UNC13C: variants seen among roughly 807,000 people sequenced by gnomAD.
The protein encoded by UNC13C is unc-13 homolog C, also known as protein unc-13 homolog C.
In UNC13C, 174 loss-of-function variants were observed where a neutral mutation model predicts 245.4. That is an observed-to-expected ratio of 0.71 (90% CI 0.63 to 0.80). UNC13C has a LOEUF of 0.80. Ranked by LOEUF, UNC13C falls within the 30% of genes least tolerant of loss-of-function variation. The pLI is 0.00. For synonymous variants in UNC13C, 992 were observed against 895.1 expected, an observed-to-expected ratio of 1.11 and a Z score of -1.93; for missense variants, 2,829 against 2,602.9, an observed-to-expected ratio of 1.09 and a Z score of -1.89.
intron 2 of UNC13C, among the ~76,000 whole-genome samples, chr15:54,137,139 C>T (rs8040249): frequency 0.37 from 55,874 of 152,088 alleles, 10,346 homozygotes; most frequent in Admixed American, 0.39. Flanking sequence ...TGCACTCAGC[C>T]GTGTATGCCA....
intron 4 of UNC13C, among the ~76,000 whole-genome samples, chr15:54,160,824 G>C (rs2032944804): frequency 6.6e-6 from 1 of 152,082 alleles, no homozygotes; most frequent in African/African-American, 2.4e-5. Flanking sequence ...TTTCTGGTTT[G>C]TAAATATGTT....
chr15:54,256,130 C>T (rs556240150), intron 8 of UNC13C, among the ~76,000 whole-genome samples: 2 of 152,262 alleles, frequency 1.3e-5, no homozygotes, highest in South Asian at 2.1e-4. Flanking sequence ...GCATCATTTT[C>T]CTCATCTGTG....
chr15:54,310,666 A>C (rs1034075638), intron 13 of UNC13C, among the ~76,000 whole-genome samples: 1 of 151,738 alleles, frequency 6.6e-6, no homozygotes, highest in Admixed American at 6.6e-5. Flanking sequence ...TAGGTTTAGC[A>C]TGAAGCATCT....
chr15:53,858,431 T>TC, the UNC13C span, among the ~76,000 whole-genome samples: 1 of 152,016 alleles, frequency 6.6e-6, no homozygotes, highest in Non-Finnish European at 1.5e-5. Context: ...TTTGTTTGTT[T>TC]TTTTTTTGAG....
chr15:54,524,477 G>T (rs1444484676), intron 24 of UNC13C, among the ~76,000 whole-genome samples: 2 of 152,150 alleles, frequency 1.3e-5, no homozygotes, highest in African/African-American at 4.8e-5. Flanking sequence ...AATGCCAAAT[G>T]CAATATTTGA....
At chr15:54,453,582 A>G (rs1386453024) in intron 19 of UNC13C, among the ~76,000 whole-genome samples, 1 of 152,140 alleles carries the variant, frequency 6.6e-6, no homozygotes, top group African/African-American at 2.4e-5. Flanking sequence ...AAGTTCTTGT[A>G]TTTTGCCTTT....
At chr15:54,412,729 G>A (rs566708215) in intron 18 of UNC13C, among the ~76,000 whole-genome samples, 2 of 152,156 alleles carry the variant, frequency 1.3e-5, no homozygotes, top group African/African-American at 4.8e-5. Context: ...AGAAAACCAT[G>A]TTGTCTGTGA....
intron 2 of UNC13C, among the ~76,000 whole-genome samples, chr15:54,085,629 A>G (rs913222693): frequency 2.6e-5 from 4 of 152,064 alleles, no homozygotes; most frequent in Admixed American, 6.6e-5. Context: ...TTTATTATTT[A>G]TAGAGATAGG....
chr15:54,568,576 T>C (rs997002482), intron 30 of UNC13C, among the ~76,000 whole-genome samples: 3 of 152,208 alleles, frequency 2.0e-5, no homozygotes, highest in African/African-American at 7.2e-5. Context: ...CTTTGTGATT[T>C]ATTATATTTT....
chr15:54,411,307 C>T (rs1596338870), intron 18 of UNC13C, among the ~76,000 whole-genome samples: 1 of 151,796 alleles, frequency 6.6e-6, no homozygotes, highest in Admixed American at 6.6e-5. Flanking sequence ...TTTTTGTTTT[C>T]TCAACAGTGT....
chr15:54,422,561 C>G (rs1286381193), intron 19 of UNC13C, among the ~76,000 whole-genome samples: 1 of 151,998 alleles, frequency 6.6e-6, no homozygotes, highest in Non-Finnish European at 1.5e-5. Flanking sequence ...TCACGTTCCT[C>G]TCACTCAAAT....
intron 18 of UNC13C, among the ~76,000 whole-genome samples, chr15:54,396,346 A>G (rs1249903606): frequency 6.6e-6 from 1 of 151,736 alleles, no homozygotes; most frequent in Non-Finnish European, 1.5e-5. Context: ...AAATGTAATC[A>G]TAAATTCTCT....
At chr15:54,160,735 G>T (rs961213133) in intron 4 of UNC13C, among the ~76,000 whole-genome samples, 4 of 152,096 alleles carry the variant, frequency 2.6e-5, no homozygotes, top group Non-Finnish European at 5.9e-5. Flanking sequence ...AGTATTAAAT[G>T]AATTGACATG....
At chr15:54,611,127 C>T (rs548256886) in intron 30 of UNC13C, among the ~76,000 whole-genome samples, 88 of 152,076 alleles carry the variant, frequency 5.8e-4, no homozygotes, top group African/African-American at 2.0e-3. Context: ...TAGTGTTGGT[C>T]AGAGTGATTG....
Position 54,294,558 on chromosome 15 carries a change from T to C in UNC13C, c.3988+494T>C, listed in dbSNP as rs1317511787. The stretch of plus-strand genomic sequence containing the variant: ...CTCATGCAGACTCTCTTGATGAAGA[T>C]ACTGAGAAGGTGATTAATTGGAATG... On this transcript the variant is annotated intron_variant, in intron 11 of 32. Coordinates refer to ENST00000260323, the MANE Select transcript of UNC13C (RefSeq NM_001080534.3). Among the ~76,000 whole-genome samples the C allele has an allele frequency of 2.0e-5, 3 of 152,238 alleles. No homozygotes were observed. The East Asian group carries it at 5.8e-4, about 29-fold the overall frequency.
intron 2 of UNC13C, among the ~76,000 whole-genome samples, chr15:54,104,768 G>T (rs1027058657): frequency 1.3e-5 from 2 of 151,664 alleles, no homozygotes; most frequent in Non-Finnish European, 2.9e-5. Flanking sequence ...CAGTTTGATT[G>T]TATCCACCTT....
At chr15:54,038,099 CATATATAT>C (rs1399556197) in intron 2 of UNC13C, among the ~76,000 whole-genome samples, 30 of 67,160 alleles carry the variant, frequency 4.5e-4, no homozygotes, top group Non-Finnish European at 5.9e-4. Context: ...TATACATATA[CATATATAT>C]ATATATATAT....
chr15:54,460,315 C>A (rs887296094), intron 19 of UNC13C, among the ~76,000 whole-genome samples: 1 of 152,212 alleles, frequency 6.6e-6, no homozygotes, highest in Non-Finnish European at 1.5e-5. Context: ...TAAGTGGACT[C>A]TGTGGGAGTC....
chr15:54,071,670 A>G (rs896163460), intron 2 of UNC13C, among the ~76,000 whole-genome samples: 2 of 152,154 alleles, frequency 1.3e-5, no homozygotes, highest in African/African-American at 2.4e-5. Context: ...GAAAAAAACA[A>G]AAAGAACACT....
Sources: allele counts gnomAD v4.1 joint callset (sites outside exome capture counted in the v4.1 genomes callset), GRCh38; gene constraint gnomAD v4.1.1; transcripts MANE v1.5; gene names NCBI Gene and HGNC (gene_info 2026-07-23, HGNC 2026-07-21).